ELAC2: variants seen among roughly 807,000 people sequenced by gnomAD.
ELAC2 encodes elaC ribonuclease Z 2, also known as zinc phosphodiesterase ELAC protein 2.
A neutral mutation model predicts 105.2 loss-of-function variants in ELAC2; 92 were observed. That is an observed-to-expected ratio of 0.87 (90% CI 0.74 to 1.04). The LOEUF (loss-of-function observed/expected upper bound fraction) is 1.04. Among genes scored for constraint, ELAC2 ranks in the 50% least tolerant of loss-of-function variants. The probability of loss-of-function intolerance (pLI) is 0.00; values close to 1 mark genes in which losing one functional copy is unlikely to be tolerated. For synonymous variants in ELAC2, 468 were observed against 409.1 expected, an observed-to-expected ratio of 1.14 and a Z score of -1.74; for missense variants, 1,099 against 1,071.7, an observed-to-expected ratio of 1.03 and a Z score of -0.36.
In ELAC2 at chr17:13,002,299, G is replaced by A; in HGVS notation, c.1279C>T (p.Leu427Phe). The change falls in exon 14 of 24, where the codon CTC (leucine) becomes TTC (phenylalanine). Residue 427 changes from leucine (L) to phenylalanine (F), a missense_variant. Coordinates refer to ENST00000338034, the MANE Select transcript of ELAC2 (RefSeq NM_018127.7). ...VQGECLLKYQ[L>F]RPRREWQRDA... is the part of the protein sequence containing the mutation. ...CTCTGCCACTCCCTCCTGGGACGGA[G>A]CTGGTACTTGAGGAGGCATTCACCC... 1 of 1,614,186 alleles carries A rather than the reference G, an allele frequency of 6.2e-7. No individual in the cohort carries two copies. Among genetic ancestry groups the A allele is most frequent in the Non-Finnish European group, 8.5e-7 (1 of 1,180,048 alleles).
At chr17:12,997,777 T>G (rs1180837576) in intron 16 of ELAC2, among the ~76,000 whole-genome samples, 2 of 152,218 alleles carry the variant, frequency 1.3e-5, no homozygotes, top group Non-Finnish European at 2.9e-5. Flanking sequence ...TTCACAATCT[T>G]ATTTTCTTCA....
chr17:13,008,306 T>C (rs973982368), intron 8 of ELAC2, among the ~76,000 whole-genome samples: 2 of 151,098 alleles, frequency 1.3e-5, no homozygotes, highest in South Asian at 4.2e-4. Context: ...AATCAAGAGA[T>C]CCAGACCATC....
In ELAC2 at chr17:12,992,852, T is replaced by C; in HGVS notation, c.2447A>G (p.Glu816Gly). 1.9e-6 allele frequency: 3 copies of C among 1,609,578 alleles called. No homozygotes were observed. The highest frequency in any genetic ancestry group is 2.5e-6 in the Non-Finnish European group (3 of 1,176,690). ...GEPQQKRAHTEEPQAKKVRAQ is the reference protein window; with the variant it reads ...GEPQQKRAHTGEPQAKKVRAQ ...TCTGACCTTCTTGGCCTGTGGCTCC[T>C]CTGTGTGGGCCCGCTTCTGCTGAGG... Residue 816 changes from glutamate to glycine, a missense_variant, in exon 24 of 24, where the codon GAG becomes GGG. By Grantham distance (98) the Glu-to-Gly change is moderately conservative. Transcript: ENST00000338034.
intron 5 of ELAC2, 150 bp from the exon 6 acceptor site, chr17:13,013,425 C>T (rs1391008914): frequency 3.6e-6 from 3 of 837,246 alleles, no homozygotes; most frequent in Non-Finnish European, 5.9e-6. Context: ...AGGAGATTAC[C>T]ATTTTTAGGA....
At chr17:12,993,089 G>A (rs772658366) in intron 23 of ELAC2, 44 bp from the exon 24 acceptor site, 9 of 1,582,602 alleles carry the variant, frequency 5.7e-6, no homozygotes, top group South Asian at 1.1e-5. Context: ...CAGAGGGGCA[G>A]GGGTGGGGGA....
chr17:12,993,135 A>G (rs1244871636), intron 23 of ELAC2, 90 bp from the exon 24 acceptor site: 3 of 1,336,856 alleles, frequency 2.2e-6, no homozygotes, highest in Admixed American at 1.7e-5. Context: ...GTGCTCACAC[A>G]GCAGCGCCAA....
intron 3 of ELAC2, 77 bp downstream of exon 3, chr17:13,016,785 A>C: frequency 2.1e-6 from 3 of 1,426,100 alleles, no homozygotes; most frequent in East Asian, 2.3e-5. Flanking sequence ...CCCACCCCAG[A>C]CTTGGAAAAA....
At chr17:12,993,552 A>G in intron 23 of ELAC2, 135 bp downstream of exon 23, 1 of 1,331,548 alleles carries the variant, frequency 7.5e-7, no homozygotes, top group Non-Finnish European at 1.0e-6. Context: ...CGACCTGGTT[A>G]GTGATGGGTA....
At chr17:13,006,458 A>C (rs1434153101) in intron 8 of ELAC2, 1 of 181,414 alleles carries the variant, frequency 5.5e-6, no homozygotes, top group Non-Finnish European at 1.2e-5. Flanking sequence ...CCATATTCTG[A>C]AGAAGTCATT....
At chr17:12,996,820 A>G in intron 16 of ELAC2, 135 bp from the exon 17 acceptor site, 1 of 1,203,936 alleles carries the variant, frequency 8.3e-7, no homozygotes, top group Non-Finnish European at 1.2e-6. Context: ...TTGAGGAGCT[A>G]ATATAAAAGC....
intron 8 of ELAC2, among the ~76,000 whole-genome samples, chr17:13,008,969 A>C (rs1035201703): frequency 5.3e-5 from 8 of 152,216 alleles, no homozygotes; most frequent in African/African-American, 1.9e-4. Context: ...TGAGCTTGTC[A>C]CTTTTCATCA....
rs945877116 is a variant in ELAC2, at chr17:13,010,654, C to A, written c.697G>T (p.Gly233Trp). 2.5e-6 allele frequency: 4 copies of A among 1,614,164 alleles called. No individual in the cohort carries two copies. In the South Asian group the frequency reaches 3.3e-5, roughly 13 times the overall value. Residue 233 changes from glycine (G) to tryptophan (W), a missense_variant, in exon 8 of 24, where the codon GGG becomes TGG. By Grantham distance (184) the Gly-to-Trp change is radical (BLOSUM62 -2). Transcript: ENST00000338034. ...HLPHGVSQRR[G>W]VRDSSLVVAF... ...ACGACCAGGGAAGAGTCCCTGACCC[C>A]TCTTCTCTGGCTAACACCTGAGGAA...
At chr17:13,010,577 C>T (rs1195010341) in intron 8 of ELAC2, 36 bp downstream of exon 8, 2 of 1,603,782 alleles carry the variant, frequency 1.2e-6, no homozygotes, top group African/African-American at 2.7e-5. Context: ...GACCAAGACC[C>T]CAGTCATGTA....
Position 12,992,713 on chromosome 17 carries a change from C to G in ELAC2, c.*105G>C. 1 of 1,408,030 alleles carries G rather than the reference C, an allele frequency of 7.1e-7. No homozygotes were observed. 87.2% of individuals were successfully genotyped at this position (1,408,030 alleles called of 1,614,324 possible). On this transcript the variant is annotated 3_prime_UTR_variant, in exon 24 of 24. Transcript: ENST00000338034. Reference sequence around the variant, plus strand: ...CATACCACCTATCCTGAGCTGCCTCCTGGGGGACCGTGCTCTTCAGCTTCT... The same window carrying G: ...CATACCACCTATCCTGAGCTGCCTCGTGGGGGACCGTGCTCTTCAGCTTCT...
chr17:13,009,760 G>A (rs576161107), intron 8 of ELAC2, among the ~76,000 whole-genome samples: 1 of 152,182 alleles, frequency 6.6e-6, no homozygotes, highest in Non-Finnish European at 1.5e-5. Flanking sequence ...GGAGGCCAAG[G>A]TGGGTGGATC....
At chr17:13,005,613 T>C (rs528210799) in intron 10 of ELAC2, 140 bp downstream of exon 10, 165 of 852,966 alleles carry the variant, frequency 1.9e-4, no homozygotes, top group Non-Finnish European at 3.1e-4. Flanking sequence ...AAAGAGGCCA[T>C]TTTATCACTT....
intron 8 of ELAC2, 85 bp from the exon 9 acceptor site, chr17:13,006,064 T>C: frequency 7.2e-7 from 1 of 1,380,354 alleles, no homozygotes; most frequent in Non-Finnish European, 1.0e-6. Flanking sequence ...TGTATTTTTC[T>C]AGATTAAAAA....
At position 13,002,518 on chromosome 17, in the gene ELAC2, G is replaced by T; in HGVS notation, c.1141C>A (p.Arg381Ser). 1 of 1,605,428 alleles carries T rather than the reference G, an allele frequency of 6.2e-7. No homozygotes were observed. Among genetic ancestry groups the T allele is most frequent in the Non-Finnish European group, 8.5e-7 (1 of 1,175,298 alleles). ...NENCASVHNL[R>S]SHKIQTQLNL... ...AGCTGGGTTTGAATCTTGTGGCTGC[G>T]AAGGTTGTGAACTGAGGCACAGTTC... is the stretch of plus-strand genomic sequence containing the variant. The change falls in exon 13 of 24, where the codon CGC (arginine) becomes AGC (serine). Residue 381 changes from arginine (R) to serine (S), a missense_variant. Physicochemically the swap from Arg to Ser is moderately radical, Grantham distance 110. Transcript: ENST00000338034.
intron 8 of ELAC2, among the ~76,000 whole-genome samples, chr17:13,008,027 CCT>C (rs1362255200): frequency 1.3e-5 from 2 of 152,068 alleles, no homozygotes; most frequent in Non-Finnish European, 2.9e-5. Flanking sequence ...ATGGCGAAAC[CCT>C]GTGTCTACTA....
Sources: allele counts gnomAD v4.1 joint callset (sites outside exome capture counted in the v4.1 genomes callset), GRCh38; gene constraint gnomAD v4.1.1; transcripts MANE v1.5; gene names NCBI Gene and HGNC (gene_info 2026-07-23, HGNC 2026-07-21).